Variants in TRIM49 observed in about 807,000 individuals in gnomAD.
TRIM49 encodes the protein tripartite motif containing 49.
TRIM49 carries 5 observed loss-of-function variants against 27.4 expected under a neutral mutation model. The ratio of observed to expected loss-of-function variants is 0.18; its 90% CI spans 0.10 to 0.38. The LOEUF (loss-of-function observed/expected upper bound fraction) is 0.38, where lower values mean the gene tolerates loss of function less well. Ranked by LOEUF, TRIM49 falls within the 10% of genes least tolerant of loss-of-function variation. The pLI, the probability that TRIM49 is intolerant of heterozygous loss-of-function variation, is 1.00. For synonymous variants in TRIM49, 69 were observed against 166.0 expected (o/e 0.42, Z 4.49); for missense variants, 188 against 487.5 (o/e 0.39, Z 5.79).
At chr11:89,783,918 TC>T in the TRIM49 span, among the ~76,000 whole-genome samples, 1 of 143,462 alleles carries the variant, frequency 7.0e-6, no homozygotes, top group African/African-American at 2.8e-5. Flanking sequence ...TGCAGGAAAC[TC>T]CCATTTATTG....
the TRIM49 span, among the ~76,000 whole-genome samples, chr11:89,769,317 A>G: frequency 6.7e-5 from 9 of 134,878 alleles, 2 homozygotes; most frequent in African/African-American, 3.1e-4. Flanking sequence ...TTACACTTAT[A>G]CCAGTAAGAC....
At position 89,798,466 on chromosome 11, in the gene TRIM49, A is replaced by T. The variant is rs756861000; in HGVS notation, c.1023T>A (p.Tyr341Ter). The change falls in exon 8 of 8, where the codon TAT (tyrosine) becomes TAA (stop). Residue 341 changes from tyrosine to a stop codon, truncating the protein, a stop_gained. Coordinates refer to ENST00000329758, the MANE Select transcript of TRIM49 (RefSeq NM_020358.2). LOFTEE classifies it low-confidence loss of function (END_TRUNC). ...WGVQTFTSGK[Y>*]YWEVHVGDSW... ...AGTCCCCTACATGGACCTCCCAGTA[A>T]TATTTGCCCGAGGTGAAAGTCTGAA... The T allele has an allele frequency of 6.3e-7, 1 of 1,593,744 alleles. No homozygotes were observed. The highest frequency in any genetic ancestry group is 8.5e-7 in the Non-Finnish European group (1 of 1,173,256).
chr11:89,792,510 CA>C, the TRIM49 span, among the ~76,000 whole-genome samples: 1 of 152,062 alleles, frequency 6.6e-6, no homozygotes, highest in Non-Finnish European at 1.5e-5. Flanking sequence ...CACTCCTCAG[CA>C]AATGTAAAAG....
intron 4 of TRIM49, 140 bp downstream of exon 4, chr11:89,803,558 T>C (rs563692204): frequency 2.0e-6 from 3 of 1,513,226 alleles, no homozygotes; most frequent in African/African-American, 2.8e-5. Context: ...ATGAGGCCAC[T>C]TTTTCTCAGT....
At chr11:89,789,946 A>G in the TRIM49 span, among the ~76,000 whole-genome samples, 1 of 150,596 alleles carries the variant, frequency 6.6e-6, no homozygotes, top group East Asian at 2.0e-4. Flanking sequence ...CATGAGCTGA[A>G]GGAGGATGAG....
Position 89,804,395 on chromosome 11 carries a change from C to A in TRIM49, c.75G>T (p.Pro25=), listed in dbSNP as rs754735839. ...CPLCMNYFID[P]VTIDCGHSFC... is the part of the protein sequence containing the mutation. ...AGCTGTGCCCACAGTCTATGGTGACCGGGTCTATGAAGTAGTTCATGCACA... is the reference window on the plus strand; with the variant it reads ...AGCTGTGCCCACAGTCTATGGTGACAGGGTCTATGAAGTAGTTCATGCACA... Residue 25 remains proline, a synonymous_variant, in exon 3 of 8, where the codon CCG becomes CCT. Coordinates refer to ENST00000329758, the MANE Select transcript of TRIM49 (RefSeq NM_020358.2). The A allele has an allele frequency of 5.0e-6, 8 of 1,609,124 alleles. No individual in the cohort carries two copies. Among genetic ancestry groups the A allele is most frequent in the Non-Finnish European group, 5.9e-6 (7 of 1,178,668 alleles).
Position 89,798,731 on chromosome 11 carries a change from A to G in TRIM49, c.860-102T>C, listed in dbSNP as rs1265849918. On this transcript the variant is annotated intron_variant, in intron 7 of 7. Coordinates refer to ENST00000329758, the MANE Select transcript of TRIM49 (RefSeq NM_020358.2). ...ACTTTACCAGCAAATGTAAAGTCATAAAATGTTTTGCTTGTAACTTCTAGT... is the reference window on the plus strand; with the variant it reads ...ACTTTACCAGCAAATGTAAAGTCATGAAATGTTTTGCTTGTAACTTCTAGT... 4.0e-5 allele frequency: 55 copies of G among 1,366,594 alleles called. 4 individuals carry two copies. The highest frequency in any genetic ancestry group is 5.1e-5 in the Non-Finnish European group (54 of 1,067,718). The allele number at this position is 1,366,594 out of a possible 1,614,324, so 84.7% of individuals were successfully genotyped here. A position where few individuals can be genotyped will look rare whatever the true frequency, so the allele number is the denominator to read the frequency against.
At chr11:89,769,773 G>A in the TRIM49 span, among the ~76,000 whole-genome samples, 1 of 111,210 alleles carries the variant, frequency 9.0e-6, no homozygotes, top group Admixed American at 8.2e-5. Context: ...CCTGGGTTAA[G>A]CCATCCAGGG....
chr11:89,787,996 T>C, the TRIM49 span, among the ~76,000 whole-genome samples: 2 of 147,256 alleles, frequency 1.4e-5, no homozygotes, highest in African/African-American at 5.3e-5. Flanking sequence ...TCGATTCGCC[T>C]GACACCAGCC....
Position 89,803,597 on chromosome 11 carries a change from T to C in TRIM49, c.507+101A>G, listed in dbSNP as rs1163488950. ...TTCTCTCGCCTTTTTTTTTTTACTG[T>C]ATCCCAGAAACATTACAGTTTGATA... On this transcript the variant is annotated intron_variant, in intron 4 of 7. Coordinates refer to ENST00000329758, the MANE Select transcript of TRIM49 (RefSeq NM_020358.2). 51 of 1,467,600 alleles carry C rather than the reference T, an allele frequency of 3.5e-5. 2 individuals carry two copies. The highest frequency in any genetic ancestry group is 4.3e-5 in the Non-Finnish European group (47 of 1,093,430). 90.9% of individuals were successfully genotyped at this position (1,467,600 alleles called of 1,614,324 possible).
At chr11:89,778,301 G>A in the TRIM49 span, among the ~76,000 whole-genome samples, 3 of 152,034 alleles carry the variant, frequency 2.0e-5, no homozygotes, top group East Asian at 5.8e-4. Flanking sequence ...ACTAAGATTG[G>A]GTGTGAGGAA....
intron 5 of TRIM49, among the ~76,000 whole-genome samples, chr11:89,801,247 T>G (rs1397505868): frequency 1.4e-5 from 2 of 147,312 alleles, no homozygotes; most frequent in African/African-American, 5.2e-5. Flanking sequence ...GTCTATGGTC[T>G]GTGGTAACCA....
the TRIM49 span, chr11:89,768,822 C>T: frequency 2.0e-6 from 1 of 503,844 alleles, no homozygotes. Context: ...ACCTTGCCAC[C>T]ATGTCTCCCA....
intron 2 of TRIM49, among the ~76,000 whole-genome samples, chr11:89,804,947 C>G (rs796632854): frequency 1.4e-4 from 21 of 150,920 alleles, no homozygotes; most frequent in African/African-American, 5.2e-4. Flanking sequence ...TCACAAAAGC[C>G]GGGCAGCAAA....
chr11:89,770,744 T>C, the TRIM49 span, among the ~76,000 whole-genome samples: 6 of 142,356 alleles, frequency 4.2e-5, no homozygotes, highest in South Asian at 1.3e-3. Context: ...CGAGCGCCTG[T>C]AGTCCCAGCT....
chr11:89,798,232 A>T lies in TRIM49; in HGVS notation c.1257T>A (p.Thr419=), dbSNP rs753083133. Reference sequence around the variant, plus strand: ...TTTGATTAACATCAACAAAGCTCACAGTCTTAGCCTCACAATCCAGGAATA... The same window carrying T: ...TTTGATTAACATCAACAAAGCTCACTGTCTTAGCCTCACAATCCAGGAATA... ...VGLFLDCEAK[T]VSFVDVNQSS... Residue 419 remains threonine (T), a synonymous_variant, in exon 8 of 8, where the codon ACT becomes ACA. Transcript: ENST00000329758. 31 of 1,565,238 alleles carry T rather than the reference A, an allele frequency of 2.0e-5. 1 individual carries two copies. In the East Asian group the frequency reaches 7.4e-4, roughly 37 times the overall value.
the TRIM49 span, chr11:89,777,235 A>G: frequency 6.5e-7 from 1 of 1,548,514 alleles, no homozygotes; most frequent in Admixed American, 2.0e-5. Flanking sequence ...TCAGAACATC[A>G]ACAGCTCAGA....
chr11:89,793,967 A>C (rs1949672298), downstream of TRIM49, among the ~76,000 whole-genome samples: 1 of 149,946 alleles, frequency 6.7e-6, no homozygotes, highest in Non-Finnish European at 1.5e-5. Context: ...TGCAGATGAC[A>C]CGATTGTATG....
chr11:89,792,718 TGGAATCTCTG>T (rs1565443558), downstream of TRIM49, among the ~76,000 whole-genome samples: 2 of 151,974 alleles, frequency 1.3e-5, no homozygotes, highest in African/African-American at 4.8e-5. Flanking sequence ...CACAACATAC[TGGAATCTCTG>T]GGACACATTT....
Sources: gnomAD v4.1 joint callset for allele counts (sites outside exome capture counted in the v4.1 genomes callset) on GRCh38, gnomAD v4.1.1 for gene constraint, MANE v1.5 for transcripts, NCBI Gene and HGNC (gene_info 2026-07-23, HGNC 2026-07-21) for gene names.